The following ITSN1 variants were observed in gnomAD, a reference collection of about 807,000 sequenced individuals.
The protein encoded by ITSN1 is intersectin-1.
Under a neutral mutation model 239.8 loss-of-function variants are expected in ITSN1, and 58 were observed. The observed-to-expected ratio is 0.24, with a 90% CI of 0.20 to 0.30. The LOEUF is 0.30. ITSN1 is among the 10% of genes least tolerant of loss of function. The pLI is 1.00. For synonymous variants in ITSN1, 780 were observed against 770.8 expected (o/e 1.01, Z -0.20); for missense variants, 1,558 against 2,103.3 (o/e 0.74, Z 5.07).
intron 26 of ITSN1, chr21:33,829,300 T>TA (rs1486832818): frequency 2.9e-6 from 1 of 349,130 alleles, no homozygotes; most frequent in African/African-American, 2.1e-5. Flanking sequence ...TCTGGGTAAT[T>TA]ATGGGAGGGG....
chr21:33,678,122 G>A (rs1336033589), intron 1 of ITSN1, among the ~76,000 whole-genome samples: 3 of 152,112 alleles, frequency 2.0e-5, no homozygotes, highest in African/African-American at 7.2e-5. Flanking sequence ...CACTCCCCTT[G>A]TCTGCTTTGC....
intron 1 of ITSN1, among the ~76,000 whole-genome samples, chr21:33,690,149 A>G (rs1390514051): frequency 6.6e-6 from 1 of 151,124 alleles, no homozygotes; most frequent in Non-Finnish European, 1.5e-5. Flanking sequence ...GTGGTGGTGC[A>G]TGCCTGTAGT....
At chr21:33,696,748 CAGTT>C (rs1275188263) in intron 1 of ITSN1, among the ~76,000 whole-genome samples, 1 of 152,188 alleles carries the variant, frequency 6.6e-6, no homozygotes, top group Non-Finnish European at 1.5e-5. Flanking sequence ...TTATTTTACA[CAGTT>C]AGTACTTTCT....
chr21:33,682,293 G>A (rs1270678624), intron 1 of ITSN1, among the ~76,000 whole-genome samples: 1 of 146,690 alleles, frequency 6.8e-6, no homozygotes, highest in Non-Finnish European at 1.5e-5. Flanking sequence ...TCAGCTCACC[G>A]CAACCTCTGC....
intron 28 of ITSN1, among the ~76,000 whole-genome samples, chr21:33,835,436 G>T (rs934462250): frequency 5.9e-5 from 9 of 152,172 alleles, no homozygotes; most frequent in Admixed American, 3.9e-4. Flanking sequence ...TTTATTAATA[G>T]GTTGGTTAAG....
intron 29 of ITSN1, among the ~76,000 whole-genome samples, chr21:33,846,299 C>T (rs1280879588): frequency 6.6e-6 from 1 of 152,214 alleles, no homozygotes; most frequent in Non-Finnish European, 1.5e-5. Context: ...TGCCACCTCT[C>T]CTGCTCCATT....
intron 16 of ITSN1, among the ~76,000 whole-genome samples, chr21:33,788,230 A>T (rs949809883): frequency 2.6e-5 from 4 of 152,072 alleles, no homozygotes; most frequent in Non-Finnish European, 2.9e-5. Flanking sequence ...CTGATTACCT[A>T]TTACTATTGC....
chr21:33,672,423 G>A (rs1225287865), intron 1 of ITSN1, among the ~76,000 whole-genome samples: 1 of 152,102 alleles, frequency 6.6e-6, no homozygotes, highest in African/African-American at 2.4e-5. Flanking sequence ...AAACCACAAT[G>A]AGGTACCACC....
chr21:33,819,871 A>G (rs1486958364), intron 24 of ITSN1, among the ~76,000 whole-genome samples: 1 of 151,696 alleles, frequency 6.6e-6, no homozygotes, highest in Non-Finnish European at 1.5e-5. Flanking sequence ...AGTCCCAGCT[A>G]CTCGGGAGGC....
At chr21:33,783,704 A>AC (rs1204752752) in intron 16 of ITSN1, among the ~76,000 whole-genome samples, 2 of 152,132 alleles carry the variant, frequency 1.3e-5, no homozygotes, top group African/African-American at 4.8e-5. Context: ...AAAAAAAAAA[A>AC]AAATAGCACT....
chr21:33,739,188 G>T (rs1280138151), intron 5 of ITSN1, among the ~76,000 whole-genome samples: 1 of 152,154 alleles, frequency 6.6e-6, no homozygotes, highest in Non-Finnish European at 1.5e-5. Flanking sequence ...CTACAGAGAA[G>T]AGAGAAAAAT....
intron 1 of ITSN1, among the ~76,000 whole-genome samples, 199 bp downstream of exon 1, chr21:33,642,912 CG>C (rs1391761803): frequency 6.6e-6 from 1 of 151,198 alleles, no homozygotes; most frequent in African/African-American, 2.4e-5. Context: ...TTCCCGTCCT[CG>C]GGGGTGGCGG....
intron 4 of ITSN1, among the ~76,000 whole-genome samples, chr21:33,728,756 A>G (rs2065986327): frequency 6.6e-6 from 1 of 152,106 alleles, no homozygotes; most frequent in Non-Finnish European, 1.5e-5. Context: ...ACTTATCACC[A>G]TGTAAAATAA....
In ITSN1 at chr21:33,708,633, G is replaced by A. The variant is rs192461237; in HGVS notation, c.-32-10164G>A. On this transcript the variant is annotated intron_variant, in intron 1 of 39. Transcript: ENST00000381318. ...ACTCCGGACCTCAGGTGATCCACCC[G>A]CCTTGGCCTCCCAAAGTGCTGGGAT... Among the ~76,000 whole-genome samples, 416 of 152,220 alleles carry A rather than the reference G, an allele frequency of 2.7e-3. 2 individuals carry two copies. Among genetic ancestry groups the A allele is most frequent in the African/African-American group, 9.6e-3 (398 of 41,540 alleles).
chr21:33,658,081 C>T (rs763505401), intron 1 of ITSN1, among the ~76,000 whole-genome samples: 13 of 152,162 alleles, frequency 8.5e-5, no homozygotes, highest in African/African-American at 3.1e-4. Context: ...AGTCCATGAA[C>T]GCATACTTTG....
At chr21:33,740,874 G>A (rs553226749) in intron 5 of ITSN1, among the ~76,000 whole-genome samples, 1 of 152,174 alleles carries the variant, frequency 6.6e-6, no homozygotes, top group South Asian at 2.1e-4. Context: ...GGACCAGCCT[G>A]GGCAACATAG....
chr21:33,808,322 C>T (rs528730733), intron 20 of ITSN1, among the ~76,000 whole-genome samples: 4 of 152,238 alleles, frequency 2.6e-5, no homozygotes, highest in Non-Finnish European at 5.9e-5. Flanking sequence ...CGGTGGCTCA[C>T]GCCTGTAATC....
intron 1 of ITSN1, among the ~76,000 whole-genome samples, chr21:33,680,355 A>T: frequency 2.2e-5 from 3 of 135,994 alleles, no homozygotes; most frequent in African/African-American, 3.2e-5. Context: ...TTTTTGAGAC[A>T]GGGTCTCTGT....
At chr21:33,795,555 G>A (rs1049228784) in intron 17 of ITSN1, among the ~76,000 whole-genome samples, 5 of 152,076 alleles carry the variant, frequency 3.3e-5, no homozygotes, top group African/African-American at 1.2e-4. Context: ...TTTCTTATGG[G>A]TATATAGAGT....
Sources: gnomAD v4.1 joint callset for allele counts (sites outside exome capture counted in the v4.1 genomes callset) on GRCh38, gnomAD v4.1.1 for gene constraint, MANE v1.5 for transcripts, NCBI Gene and HGNC (gene_info 2026-07-23, HGNC 2026-07-21) for gene names.